TSBP1: variants seen among roughly 807,000 people sequenced by gnomAD.
TSBP1 encodes testis-expressed basic protein 1.
In TSBP1, 56 loss-of-function variants were observed where a neutral mutation model predicts 68.8. That is an observed-to-expected ratio of 0.81 (90% confidence interval 0.66 to 1.02). The LOEUF (loss-of-function observed/expected upper bound fraction) is 1.02. Ranked by LOEUF, TSBP1 falls within the 50% of genes least tolerant of loss-of-function variation. The pLI is 0.00. For missense variants in TSBP1, 502 were observed against 641.2 expected, an observed-to-expected ratio of 0.78 and a Z score of 2.34; for synonymous variants, 171 against 208.7, an observed-to-expected ratio of 0.82 and a Z score of 1.56.
At position 32,361,995 on chromosome 6, in the gene TSBP1, T is replaced by C. The variant is rs747724908; in HGVS notation, c.217+4172A>G. On this transcript the variant is annotated intron_variant, in intron 6 of 22. Transcript: ENST00000612031. The surrounding 1 kb of genome is among the most constrained non-coding windows in gnomAD (Gnocchi z 4.3). The stretch of plus-strand genomic sequence containing the variant: ...CAGGCAAGTGGAACTGGTGGCTTCA[T>C]AAGAAGAGGAACGGGCCGGGCGCGG... Among the ~76,000 whole-genome samples, 34 of 151,972 alleles carry C rather than the reference T, an allele frequency of 2.2e-4. No individual in the cohort carries two copies. The highest frequency in any genetic ancestry group is 4.1e-4 in the South Asian group (2 of 4,820).
At chr6:32,352,966 G>A (rs1771880832) in intron 8 of TSBP1, 1 of 151,646 alleles carries the variant, frequency 6.6e-6, no homozygotes, top group Admixed American at 6.6e-5. Context: ...GAAAATTCAT[G>A]GTGTCCCATA....
At chr6:32,359,281 GT>G (rs1218388027) in intron 6 of TSBP1, among the ~76,000 whole-genome samples, 1 of 151,994 alleles carries the variant, frequency 6.6e-6, no homozygotes, top group Admixed American at 6.6e-5. Flanking sequence ...AAGTGTTCCT[GT>G]TTCTCCACAT....
In TSBP1 at chr6:32,310,761, A is replaced by ATATATATATATTTT; in HGVS notation, c.580+5010_580+5011insAAAATATATATATA. Among the ~76,000 whole-genome samples the ATATATATATATTTT allele has an allele frequency of 4.1e-5, 6 of 144,834 alleles. No homozygotes were observed. In the South Asian group the frequency reaches 8.8e-4, roughly 21 times the overall value. On this transcript the variant is annotated intron_variant, in intron 19 of 22. Coordinates refer to ENST00000612031, the Ensembl canonical transcript of TSBP1. ...TATATATACATATATATATATATATATTTTTAATCTTTTTAGAAAGGATAG... is the reference window on the plus strand; with the variant it reads ...TATATATACATATATATATATATATATATATATATATTTTTTTTTAATCTTTTTAGAAAGGATAG...
chr6:32,341,669 G>T (rs1341187742), intron 9 of TSBP1, among the ~76,000 whole-genome samples: 4 of 152,116 alleles, frequency 2.6e-5, no homozygotes, highest in Non-Finnish European at 5.9e-5. Flanking sequence ...GCCTGAGTTG[G>T]GATAGGGCAA....
rs1394860586 is a variant in TSBP1, at chr6:32,314,177, T to G, written c.580+1595A>C. 6.6e-6 allele frequency among the ~76,000 whole-genome samples: 1 copy of G among 152,246 alleles called. No homozygotes were observed. Among genetic ancestry groups the G allele is most frequent in the African/African-American group, 2.4e-5 (1 of 41,470 alleles). ...CTCCTTCTTTATGCTTAGGTATGAC[T>G]GTGCATTTTTCATTTAAAAATATTT... On this transcript the variant is annotated intron_variant, in intron 19 of 22. Coordinates refer to ENST00000612031, the Ensembl canonical transcript of TSBP1. The surrounding 1 kb of genome is among the most constrained non-coding windows in gnomAD (Gnocchi z 4.2).
chr6:32,327,955 CTTA>C (rs199519578), intron 16 of TSBP1, among the ~76,000 whole-genome samples: 3 of 143,774 alleles, frequency 2.1e-5, no homozygotes, highest in Non-Finnish European at 3.0e-5. Context: ...CCATGCCCGA[CTTA>C]TTATTATTTT....
In TSBP1 at chr6:32,316,009, G is replaced by A. The variant is rs1203716224; in HGVS notation, c.560-217C>T. On this transcript the variant is annotated intron_variant, in intron 18 of 22. Coordinates refer to ENST00000612031, the Ensembl canonical transcript of TSBP1. This position sits in a 1 kb window ranked among gnomAD's most constrained non-coding sequence, Gnocchi z 4.5. ...ATGATGTGATGAAATCAAAGGTAGG[G>A]TTTCCTTAAAGGCCCTCTTCATTTA... Among the ~76,000 whole-genome samples the A allele has an allele frequency of 6.6e-6, 1 of 152,058 alleles. No individual in the cohort carries two copies. Among genetic ancestry groups the A allele is most frequent in the Non-Finnish European group, 1.5e-5 (1 of 68,006 alleles).
chr6:32,331,538 A>G (rs1769016976), intron 15 of TSBP1, among the ~76,000 whole-genome samples: 1 of 152,204 alleles, frequency 6.6e-6, no homozygotes, highest in Non-Finnish European at 1.5e-5. Flanking sequence ...TGTGAGAAAC[A>G]TTCTGCCTAA....
Position 32,335,734 on chromosome 6 carries a change from G to A in TSBP1, c.451+178C>T, listed in dbSNP as rs6929776. On this transcript the variant is annotated intron_variant, in intron 13 of 22. Transcript: ENST00000612031. This position sits in a 1 kb window ranked among gnomAD's most constrained non-coding sequence, Gnocchi z 5.5. ...CTTTGTAGTTTGTTTTTATTGGTGA[G>A]GTGTACATTCACACAGCTAATCATG... Among the ~76,000 whole-genome samples the A allele has an allele frequency of 0.34, 52,216 of 151,956 alleles. 10,070 individuals carry two copies. Among genetic ancestry groups the A allele is most frequent in the Middle Eastern group, 0.52 (154 of 294 alleles).
chr6:32,325,966 G>A lies in TSBP1; in HGVS notation c.515-2352C>T. Reference sequence around the variant, plus strand: ...TGGCTATAATGGATTTGGTAATGATGGGAGCAATTTTGGAGGTGGTGGAAG... The same window carrying A: ...TGGCTATAATGGATTTGGTAATGATAGGAGCAATTTTGGAGGTGGTGGAAG... On this transcript the variant is annotated intron_variant, in intron 16 of 22. Transcript: ENST00000612031. The surrounding 1 kb of genome is among the most constrained non-coding windows in gnomAD (Gnocchi z 4.4). The A allele has an allele frequency of 1.3e-6, 2 of 1,557,634 alleles. No homozygotes were observed. Among genetic ancestry groups the A allele is most frequent in the African/African-American group, 1.3e-5 (1 of 74,246 alleles).
At chr6:32,309,847 TTCTA>T (rs2127574186) in intron 19 of TSBP1, among the ~76,000 whole-genome samples, 1 of 152,320 alleles carries the variant, frequency 6.6e-6, no homozygotes, top group East Asian at 1.9e-4. Context: ...ATCTTATCCA[TTCTA>T]TCTAACTATT....
chr6:32,360,386 GTGTGTGTGTGTGTGTA>G (rs919115219), intron 6 of TSBP1, among the ~76,000 whole-genome samples: 73 of 149,834 alleles, frequency 4.9e-4, no homozygotes, highest in African/African-American at 1.7e-3. Flanking sequence ...ATTTCATTGT[GTGTGTGTGTGTGTGTA>G]TGTGTGTGTG....
chr6:32,369,899 C>G (rs1171022331), exon 2 of TSBP1: 1 of 1,589,992 alleles, frequency 6.3e-7, no homozygotes, highest in African/African-American at 1.3e-5. Context: ...TTACTCACCA[C>G]TTTGCTTACA....
Position 32,340,672 on chromosome 6 carries a change from GAA to G in TSBP1, c.350-1036_350-1035del, listed in dbSNP as rs950468403. ...TTTAGGATACATGTGAGCTGAGCAGGAAAGAGAATCATGATAAATTACTGATT... is the reference window on the plus strand; with the variant it reads ...TTTAGGATACATGTGAGCTGAGCAGGAGAGAATCATGATAAATTACTGATT... On this transcript the variant is annotated intron_variant, in intron 9 of 22. Transcript: ENST00000612031. This position sits in a 1 kb window ranked among gnomAD's most constrained non-coding sequence, Gnocchi z 4.8. 6.6e-6 allele frequency among the ~76,000 whole-genome samples: 1 copy of G among 152,188 alleles called. No homozygotes were observed. Among genetic ancestry groups the G allele is most frequent in the Non-Finnish European group, 1.5e-5 (1 of 68,042 alleles).
intron 22 of TSBP1, among the ~76,000 whole-genome samples, chr6:32,299,666 CCCAGCACTT>C (rs1055943020): frequency 9.2e-5 from 14 of 152,244 alleles, no homozygotes; most frequent in African/African-American, 2.6e-4. Context: ...CACCTGCAAT[CCCAGCACTT>C]TGGGAGGCTG....
At position 32,324,783 on chromosome 6, in the gene TSBP1, A is replaced by AT. The variant is rs11383449; in HGVS notation, c.515-1170dup. 2.9e-3 allele frequency: 3,812 copies of AT among 1,325,534 alleles called. 1 individual carries two copies. The highest frequency in any genetic ancestry group is 8.0e-3 in the South Asian group (562 of 70,232). 82.1% of individuals were successfully genotyped at this position (1,325,534 alleles called of 1,614,324 possible). A position where few individuals can be genotyped will look rare whatever the true frequency, so the allele number is the denominator to read the frequency against. On this transcript the variant is annotated intron_variant, in intron 16 of 22. Coordinates refer to ENST00000612031, the Ensembl canonical transcript of TSBP1. The stretch of plus-strand genomic sequence containing the variant: ...TTACTAGTGATATACTTGCTTGAAC[A>AT]TTTTTTTTTTTAATCAAAGGCACTA...
intron 9 of TSBP1, among the ~76,000 whole-genome samples, chr6:32,341,462 G>T (rs1770341017): frequency 6.6e-6 from 1 of 152,180 alleles, no homozygotes; most frequent in Non-Finnish European, 1.5e-5. Flanking sequence ...ATGGTGAAAA[G>T]TCCATGCCCT....
rs1447645057 is a variant in TSBP1, at chr6:32,357,850, C to T, written c.218-2181G>A. On this transcript the variant is annotated intron_variant, in intron 6 of 22. Coordinates refer to ENST00000612031, the Ensembl canonical transcript of TSBP1. The surrounding 1 kb of genome is among the most constrained non-coding windows in gnomAD (Gnocchi z 4.7). Reference sequence around the variant, plus strand: ...TTTAGACATGCTAAGAGTGAGATGCCTTTCATATATCTTCAGGACACGTGT... The same window carrying T: ...TTTAGACATGCTAAGAGTGAGATGCTTTTCATATATCTTCAGGACACGTGT... Among the ~76,000 whole-genome samples, 1 of 152,114 alleles carries T rather than the reference C, an allele frequency of 6.6e-6. No individual in the cohort carries two copies. Among genetic ancestry groups the T allele is most frequent in the Non-Finnish European group, 1.5e-5 (1 of 68,030 alleles).
intron 16 of TSBP1, among the ~76,000 whole-genome samples, chr6:32,327,595 T>A (rs1768363777): frequency 6.6e-6 from 1 of 152,106 alleles, no homozygotes; most frequent in African/African-American, 2.4e-5. Context: ...TTGAAACACT[T>A]CTAGAGGTTC....
Sources: gnomAD v4.1 joint callset for allele counts (sites outside exome capture counted in the v4.1 genomes callset) on GRCh38, gnomAD v4.1.1 for gene constraint, Gnocchi (gnomAD v3.1) non-coding constraint, MANE v1.5 for transcripts, NCBI Gene and HGNC (gene_info 2026-07-23, HGNC 2026-07-21) for gene names.